Variants in POLH observed in about 807,000 individuals in gnomAD.
POLH encodes the protein DNA polymerase eta transcript.
A neutral mutation model predicts 73.6 loss-of-function variants in POLH; 53 were observed. The ratio of observed to expected loss-of-function variants is 0.72; its 90% CI spans 0.58 to 0.91. The LOEUF (loss-of-function observed/expected upper bound fraction) is 0.91. Ranked by LOEUF, POLH falls within the 40% of genes least tolerant of loss-of-function variation. POLH has a pLI of 0.00. For synonymous variants in POLH, 292 were observed against 308.5 expected (o/e 0.95, Z 0.56); for missense variants, 768 against 865.4 (o/e 0.89, Z 1.41).
intron 1 of POLH, among the ~76,000 whole-genome samples, chr6:43,581,686 G>GGCTGCGGTCGGGCGGCAGCA: frequency 6.9e-6 from 1 of 145,060 alleles, no homozygotes; most frequent in African/African-American, 2.7e-5. Context: ...GGGCGGCGGC[G>GGCTGCGGTCGGGCGGCAGCA]GCTGCGGTCG....
At chr6:43,599,566 T>G (rs1766494780) in intron 5 of POLH, among the ~76,000 whole-genome samples, 1 of 151,666 alleles carries the variant, frequency 6.6e-6, no homozygotes, top group Non-Finnish European at 1.5e-5. Context: ...TGATTTTCCC[T>G]GGTTGATACC....
chr6:43,602,880 C>A (rs1318672383), intron 6 of POLH, among the ~76,000 whole-genome samples: 2 of 151,814 alleles, frequency 1.3e-5, no homozygotes, highest in Non-Finnish European at 2.9e-5. Context: ...TTTGGCCAGG[C>A]TGGTCTCAAA....
chr6:43,601,159 C>A, intron 6 of POLH, 68 bp downstream of exon 6: 10 of 1,104,408 alleles, frequency 9.1e-6, no homozygotes, highest in Non-Finnish European at 1.4e-5. Context: ...GTTGTAGTTT[C>A]TTGTGTTACT....
intron 1 of POLH, among the ~76,000 whole-genome samples, chr6:43,580,660 A>AG (rs1478040994): frequency 2.6e-5 from 3 of 117,382 alleles, no homozygotes; most frequent in Admixed American, 1.6e-4. Context: ...CTGGCCGGGC[A>AG]GGGGGGCTGA....
intron 4 of POLH, among the ~76,000 whole-genome samples, chr6:43,594,006 T>C (rs1467745174): frequency 6.6e-6 from 1 of 152,166 alleles, no homozygotes; most frequent in African/African-American, 2.4e-5. Context: ...ACCAAAATTT[T>C]ATAGATTTTT....
chr6:43,595,421 C>T (rs575232849), intron 4 of POLH, among the ~76,000 whole-genome samples: 154 of 152,082 alleles, frequency 1.0e-3, no homozygotes, highest in Non-Finnish European at 2.0e-3. Flanking sequence ...AGACGTGAAC[C>T]ACCGCACATG....
chr6:43,615,499 G>A lies in POLH; in HGVS notation c.*942G>A, dbSNP rs1582329005. 1 of 151,558 alleles carries A rather than the reference G, an allele frequency of 6.6e-6. No individual in the cohort carries two copies. The highest frequency in any genetic ancestry group is 1.5e-5 in the Non-Finnish European group (1 of 67,988). The allele number at this position is 151,558 out of a possible 1,614,324, so 9.4% of individuals were successfully genotyped here. ...GAACCCAGGAGGCAGAGGTTGGAGT[G>A]AGCTGAGATCGCGCCACCGCACTCC... On this transcript the variant is annotated 3_prime_UTR_variant, in exon 11 of 11. Coordinates refer to ENST00000372236, the MANE Select transcript of POLH (RefSeq NM_006502.3).
At chr6:43,587,605 T>C (rs1184485911) in intron 4 of POLH, 116 bp downstream of exon 4, 1 of 758,118 alleles carries the variant, frequency 1.3e-6, no homozygotes, top group Non-Finnish European at 2.4e-6. Context: ...CCTGAATGAA[T>C]CACAAGGACT....
At position 43,620,042 on chromosome 6, in the gene POLH, A is replaced by C. The variant is rs1183307137; in HGVS notation, c.*5485A>C. On this transcript the variant is annotated 3_prime_UTR_variant, in exon 11 of 11. Coordinates refer to ENST00000372236, the MANE Select transcript of POLH (RefSeq NM_006502.3). The stretch of plus-strand genomic sequence containing the variant: ...AACATGGAAACAGGAGCAGGGACTA[A>C]GGTTTGGTCAAGTGGCCCTCATTGT... 5 of 286,092 alleles carry C rather than the reference A, an allele frequency of 1.7e-5. No homozygotes were observed. Among genetic ancestry groups the C allele is most frequent in the African/African-American group, 1.2e-4 (5 of 42,942 alleles). 17.7% of individuals were successfully genotyped at this position (286,092 alleles called of 1,614,324 possible).
At chr6:43,603,056 A>G (rs1766912049) in intron 6 of POLH, among the ~76,000 whole-genome samples, 1 of 133,266 alleles carries the variant, frequency 7.5e-6, no homozygotes, top group African/African-American at 3.0e-5. Context: ...GCTGGAGTGC[A>G]GTGGCACAAT....
At chr6:43,582,233 T>A (rs1764361844) in intron 1 of POLH, 83 bp from the exon 2 acceptor site, 2 of 1,248,544 alleles carry the variant, frequency 1.6e-6, no homozygotes, top group East Asian at 4.6e-5. Flanking sequence ...TGGTAACTCA[T>A]CAGTGAAAGA....
At chr6:43,593,017 G>A (rs972879319) in intron 4 of POLH, among the ~76,000 whole-genome samples, 1 of 152,212 alleles carries the variant, frequency 6.6e-6, no homozygotes, top group Non-Finnish European at 1.5e-5. Flanking sequence ...ACTGCACCTG[G>A]CCTTACAAAA....
At chr6:43,586,279 G>T (rs1764812172) in intron 3 of POLH, among the ~76,000 whole-genome samples, 2 of 152,130 alleles carry the variant, frequency 1.3e-5, no homozygotes, top group Non-Finnish European at 2.9e-5. Flanking sequence ...AGGAATTCGA[G>T]ATCAGCCTGG....
chr6:43,596,579 G>A (rs1487952348), intron 4 of POLH, among the ~76,000 whole-genome samples: 3 of 152,186 alleles, frequency 2.0e-5, no homozygotes, highest in Admixed American at 1.3e-4. Flanking sequence ...TGACTAAATG[G>A]CTGCATAATG....
Position 43,617,623 on chromosome 6 carries a change from T to A in POLH, c.*3066T>A, listed in dbSNP as rs564263970. ...GTCTGGGCAACAGAGTGACACTGTT[T>A]AAAAAAAAAAAAATTCCCAATGTGG... On this transcript the variant is annotated 3_prime_UTR_variant, in exon 11 of 11. Coordinates refer to ENST00000372236, the MANE Select transcript of POLH (RefSeq NM_006502.3). Among the ~76,000 whole-genome samples, 27 of 141,294 alleles carry A rather than the reference T, an allele frequency of 1.9e-4. No homozygotes were observed. Among genetic ancestry groups the A allele is most frequent in the African/African-American group, 6.5e-4 (25 of 38,356 alleles). The allele number at this position is 141,294 out of a possible 152,430, so 92.7% of individuals were successfully genotyped here.
chr6:43,581,893 C>T (rs1161594754), intron 1 of POLH, among the ~76,000 whole-genome samples: 9 of 151,476 alleles, frequency 5.9e-5, no homozygotes, highest in African/African-American at 1.5e-4. Context: ...CCTCCGGCGC[C>T]GCGACCTCCT....
chr6:43,612,209 T>C (rs576156340), intron 10 of POLH, among the ~76,000 whole-genome samples: 1 of 152,304 alleles, frequency 6.6e-6, no homozygotes, highest in South Asian at 2.1e-4. Flanking sequence ...TGAAACCTTA[T>C]TTGAAAAGTT....
chr6:43,580,855 C>G (rs1764040744), intron 1 of POLH, among the ~76,000 whole-genome samples: 1 of 148,446 alleles, frequency 6.7e-6, no homozygotes, highest in African/African-American at 2.5e-5. Flanking sequence ...AGAGGCGCCC[C>G]TCACCTCCCA....
In POLH at chr6:43,619,892, G is replaced by A. The variant is rs1342423148; in HGVS notation, c.*5335G>A. Among the ~76,000 whole-genome samples, 1 of 152,146 alleles carries A rather than the reference G, an allele frequency of 6.6e-6. No homozygotes were observed. The highest frequency in any genetic ancestry group is 1.5e-5 in the Non-Finnish European group (1 of 68,028). On this transcript the variant is annotated 3_prime_UTR_variant, in exon 11 of 11. Transcript: ENST00000372236. ...GAAGCTATCACTTTAATACTCTAGAGGCAGAATGCCACATAGGACTTTGGG... is the reference window on the plus strand; with the variant it reads ...GAAGCTATCACTTTAATACTCTAGAAGCAGAATGCCACATAGGACTTTGGG...
Sources: gnomAD v4.1 joint callset for allele counts (sites outside exome capture counted in the v4.1 genomes callset) on GRCh38, gnomAD v4.1.1 for gene constraint, MANE v1.5 for transcripts, NCBI Gene and HGNC (gene_info 2026-07-23, HGNC 2026-07-21) for gene names.